USO1: variants seen among roughly 807,000 people sequenced by gnomAD.
The protein encoded by USO1 is USO1 vesicle transport factor, also known as general vesicular transport factor p115.
In USO1, 57 loss-of-function variants were observed where a neutral mutation model predicts 124.5. The ratio of observed to expected loss-of-function variants is 0.46; its 90% confidence interval spans 0.37 to 0.57. USO1 has a LOEUF of 0.57. USO1 is among the 20% of genes least tolerant of loss of function. The probability of loss-of-function intolerance (pLI) is 0.00; values close to 1 mark genes in which losing one functional copy is unlikely to be tolerated. For missense variants in USO1, 900 were observed against 1,040.6 expected (o/e 0.86, Z 1.86); for synonymous variants, 369 against 362.8 (o/e 1.02, Z -0.19).
chr4:75,789,633 T>C (rs1358296970), intron 10 of USO1, among the ~76,000 whole-genome samples: 1 of 152,212 alleles, frequency 6.6e-6, no homozygotes, highest in Non-Finnish European at 1.5e-5. Flanking sequence ...TTTGTCTTTT[T>C]AAAAATTAAT....
chr4:75,781,414 G>A (rs541985009), intron 8 of USO1, among the ~76,000 whole-genome samples: 72 of 152,304 alleles, frequency 4.7e-4, no homozygotes, highest in Non-Finnish European at 8.4e-4. Flanking sequence ...CAGTGTCAGG[G>A]TTTGAGAGAA....
intron 10 of USO1, among the ~76,000 whole-genome samples, chr4:75,787,947 T>C (rs1193389492): frequency 2.0e-5 from 3 of 152,024 alleles, no homozygotes; most frequent in African/African-American, 4.8e-5. Context: ...ACTCTATATA[T>C]GCATAGGTAT....
chr4:75,790,487 TTC>T (rs2149181417), intron 11 of USO1, among the ~76,000 whole-genome samples, 154 bp from the exon 12 acceptor site: 1 of 152,338 alleles, frequency 6.6e-6, no homozygotes, highest in Admixed American at 6.5e-5. Context: ...GTCACTTCAC[TTC>T]TGTCAGTTAC....
rs774464384 is a variant in USO1, at chr4:75,810,524, G to A, written c.2568G>A (p.Glu856=). 2 of 1,611,150 alleles carry A rather than the reference G, an allele frequency of 1.2e-6. No individual in the cohort carries two copies. The highest frequency in any genetic ancestry group is 1.7e-6 in the Non-Finnish European group (2 of 1,178,890). The change falls in exon 22 of 24, where the codon GAG becomes GAA. Residue 856 remains glutamate (E), a synonymous_variant. Coordinates refer to ENST00000514213, the MANE Select transcript of USO1 (RefSeq NM_003715.4). ...VEGRLSALLQ[E]TKELKNEIKA... is the part of the protein sequence containing the mutation. ...GAAGACTGTCAGCATTATTACAAGAGACCAAAGAGTTAAAGGTTTGTTTTT... is the reference window on the plus strand; with the variant it reads ...GAAGACTGTCAGCATTATTACAAGAAACCAAAGAGTTAAAGGTTTGTTTTT...
intron 18 of USO1, 91 bp downstream of exon 18, chr4:75,804,363 T>A (rs1722935742): frequency 4.8e-6 from 7 of 1,455,086 alleles, no homozygotes; most frequent in Non-Finnish European, 6.4e-6. Flanking sequence ...TGTGGACTAG[T>A]ATTTTTCTAA....
chr4:75,783,128 T>G (rs1357186160), intron 9 of USO1, among the ~76,000 whole-genome samples: 1 of 152,204 alleles, frequency 6.6e-6, no homozygotes, highest in Non-Finnish European at 1.5e-5. Flanking sequence ...GACATACAGT[T>G]TCCTGATGGG....
chr4:75,762,533 A>T (rs1721646804), intron 4 of USO1, among the ~76,000 whole-genome samples: 1 of 151,942 alleles, frequency 6.6e-6, no homozygotes, highest in African/African-American at 2.4e-5. Context: ...TTAATTCAAT[A>T]AATTGTGGCC....
chr4:75,742,985 CTTT>C (rs201882306), intron 1 of USO1, among the ~76,000 whole-genome samples: 6 of 139,714 alleles, frequency 4.3e-5, no homozygotes, highest in South Asian at 2.3e-4. Flanking sequence ...ATAAGCATAT[CTTT>C]TTTTTTTTTT....
chr4:75,783,416 G>T (rs1031270485), intron 9 of USO1, among the ~76,000 whole-genome samples: 1 of 152,138 alleles, frequency 6.6e-6, no homozygotes, highest in African/African-American at 2.4e-5. Flanking sequence ...AAGCTTAGTG[G>T]TAATAATAAA....
intron 17 of USO1, among the ~76,000 whole-genome samples, chr4:75,801,719 A>C (rs1158851501): frequency 6.6e-6 from 1 of 152,194 alleles, no homozygotes; most frequent in Non-Finnish European, 1.5e-5. Context: ...CTAATTGTGC[A>C]CAGTTTATGG....
chr4:75,802,810 C>T (rs756083555), intron 17 of USO1, among the ~76,000 whole-genome samples: 30 of 130,604 alleles, frequency 2.3e-4, no homozygotes, highest in East Asian at 4.7e-4. Flanking sequence ...TGGCTGAGCA[C>T]GGTGCCTCAT....
intron 1 of USO1, among the ~76,000 whole-genome samples, chr4:75,728,475 C>A (rs1720527668): frequency 6.6e-6 from 1 of 152,090 alleles, no homozygotes; most frequent in African/African-American, 2.4e-5. Flanking sequence ...TATGGTGAAA[C>A]CCTGTCTCTA....
chr4:75,773,115 A>G (rs1721978376), intron 7 of USO1, among the ~76,000 whole-genome samples: 1 of 152,052 alleles, frequency 6.6e-6, no homozygotes, highest in Non-Finnish European at 1.5e-5. Flanking sequence ...AAATAATAAT[A>G]ATAACTGCAT....
In USO1 at chr4:75,797,002, C is replaced by T. The variant is rs575896786; in HGVS notation, c.1453-2620C>T. Among the ~76,000 whole-genome samples, 8 of 150,694 alleles carry T rather than the reference C, an allele frequency of 5.3e-5. No individual in the cohort carries two copies. The South Asian group carries it at 1.7e-3, about 32-fold the overall frequency. ...AAGTCATACTTAGAAAAGGCCTTTC[C>T]ATGTTCAGATTTTAAGGAATTTACT... is the stretch of plus-strand genomic sequence containing the variant. On this transcript the variant is annotated intron_variant, in intron 13 of 23. Transcript: ENST00000514213.
At chr4:75,732,876 T>TTAAA (rs71657376) in intron 1 of USO1, among the ~76,000 whole-genome samples, 1 of 48,182 alleles carries the variant, frequency 2.1e-5, no homozygotes, top group African/African-American at 9.6e-5. Context: ...AGATTCCATC[T>TTAAA]AAAAAAAAAA....
chr4:75,781,194 G>T (rs1722212310), intron 8 of USO1, among the ~76,000 whole-genome samples: 1 of 152,152 alleles, frequency 6.6e-6, no homozygotes, highest in African/African-American at 2.4e-5. Flanking sequence ...AGACTTTAGT[G>T]GAGGAACCAA....
intron 7 of USO1, 73 bp downstream of exon 7, chr4:75,771,210 T>C: frequency 1.3e-6 from 2 of 1,484,538 alleles, no homozygotes; most frequent in South Asian, 2.6e-5. Flanking sequence ...TCCTTGTTGT[T>C]GAGTTTTAGG....
Position 75,806,502 on chromosome 4 carries a change from C to G in USO1, c.2306C>G (p.Ser769Cys). ...TATTTGCAGAAATCTTCCCAAACAT[C>G]TGGCACAAATGAACAGTCTTCAGCA... ...MIENMKSSQT[S>C]GTNEQSSAIV... Residue 769 changes from serine (S) to cysteine (C), a missense_variant, in exon 20 of 24, where the codon TCT (serine) becomes TGT (cysteine). Around this residue, in one of 2 missense-constraint regions of USO1, gnomAD observed 362 missense variants for 359.0 expected, o/e 1.01. Transcript: ENST00000514213. 1.3e-6 allele frequency: 2 copies of G among 1,559,678 alleles called. No individual in the cohort carries two copies. Among genetic ancestry groups the G allele is most frequent in the South Asian group, 1.2e-5 (1 of 84,632 alleles).
chr4:75,776,516 G>A (rs552341717), intron 8 of USO1, among the ~76,000 whole-genome samples: 2 of 152,140 alleles, frequency 1.3e-5, no homozygotes, highest in Non-Finnish European at 2.9e-5. Context: ...AGAAAATAGG[G>A]TTTTAAGGAA....
Sources: gnomAD v4.1 joint callset for allele counts (sites outside exome capture counted in the v4.1 genomes callset) on GRCh38, gnomAD v4.1.1 for gene constraint, gnomAD v4.1.1 regional missense constraint, MANE v1.5 for transcripts, NCBI Gene and HGNC (gene_info 2026-07-23, HGNC 2026-07-21) for gene names.